PTN: variants seen among roughly 807,000 people sequenced by gnomAD.
PTN encodes pleiotrophin.
PTN carries 18 observed loss-of-function variants against 24.1 expected under a neutral mutation model. That is an observed-to-expected ratio of 0.75 (90% CI 0.52 to 1.11). The LOEUF (loss-of-function observed/expected upper bound fraction) is 1.11, where lower values mean the gene tolerates loss of function less well. PTN is among the 50% of genes least tolerant of loss of function. The pLI is 0.00. For synonymous variants in PTN, 78 were observed against 68.6 expected, an observed-to-expected ratio of 1.14 and a Z score of -0.67; for missense variants, 163 against 198.8, an observed-to-expected ratio of 0.82 and a Z score of 1.08.
At chr7:137,277,581 A>T (rs28578609) in intron 1 of PTN, among the ~76,000 whole-genome samples, 1,763 of 152,104 alleles carry the variant, frequency 0.012, 31 homozygotes, top group African/African-American at 0.04. Flanking sequence ...AGAAAAAAAA[A>T]TTTTTTGAGA....
chr7:137,241,540 T>C (rs1453472668), intron 4 of PTN, among the ~76,000 whole-genome samples: 2 of 152,194 alleles, frequency 1.3e-5, no homozygotes, highest in African/African-American at 4.8e-5. Flanking sequence ...TTTAAAATAC[T>C]GCATATTTAC....
chr7:137,248,133 C>T (rs556535307), intron 4 of PTN, among the ~76,000 whole-genome samples: 1 of 152,274 alleles, frequency 6.6e-6, no homozygotes, highest in East Asian at 1.9e-4. Flanking sequence ...CCATTCATTA[C>T]TATTTGCTTT....
intron 4 of PTN, among the ~76,000 whole-genome samples, chr7:137,234,878 T>C (rs1808492906): frequency 6.6e-6 from 1 of 152,070 alleles, no homozygotes. Context: ...ACTCAGGCCC[T>C]GTTCGCTGCT....
At chr7:137,257,185 C>G (rs1306551699) in intron 1 of PTN, among the ~76,000 whole-genome samples, 1 of 152,152 alleles carries the variant, frequency 6.6e-6, no homozygotes, top group Non-Finnish European at 1.5e-5. Context: ...GAATCACAAG[C>G]CTAGATTAGC....
At chr7:137,340,991 A>G (rs758383799) in intron 1 of PTN, among the ~76,000 whole-genome samples, 3 of 152,156 alleles carry the variant, frequency 2.0e-5, no homozygotes. Context: ...CAGGCCCTCA[A>G]TCTATTGTTA....
At chr7:137,263,613 C>T (rs974311787) in intron 1 of PTN, among the ~76,000 whole-genome samples, 6 of 152,068 alleles carry the variant, frequency 3.9e-5, no homozygotes, top group African/African-American at 1.4e-4. Context: ...TGCCTAAGTA[C>T]CAGGCCTATA....
At chr7:137,257,880 C>T (rs891934617) in intron 1 of PTN, among the ~76,000 whole-genome samples, 2 of 152,228 alleles carry the variant, frequency 1.3e-5, no homozygotes, top group Non-Finnish European at 2.9e-5. Context: ...ATACCTACAG[C>T]AAGAAGAGAG....
At chr7:137,343,025 A>C (rs1394328001) in intron 1 of PTN, among the ~76,000 whole-genome samples, 1 of 152,144 alleles carries the variant, frequency 6.6e-6, no homozygotes, top group African/African-American at 2.4e-5. Flanking sequence ...AGAGGCTGGG[A>C]AAATGAGAGC....
At chr7:137,335,507 A>T (rs1810432254) in intron 1 of PTN, among the ~76,000 whole-genome samples, 1 of 152,168 alleles carries the variant, frequency 6.6e-6, no homozygotes, top group East Asian at 1.9e-4. Context: ...GATCCTCATC[A>T]TTTTTATTAA....
chr7:137,277,461 T>C (rs937544714), intron 1 of PTN, among the ~76,000 whole-genome samples: 20 of 152,248 alleles, frequency 1.3e-4, no homozygotes, highest in Non-Finnish European at 2.5e-4. Context: ...CAAATGTTTA[T>C]AGCAGCTTGC....
chr7:137,274,111 T>G (rs867068488), intron 1 of PTN, among the ~76,000 whole-genome samples: 23 of 152,166 alleles, frequency 1.5e-4, no homozygotes, highest in Admixed American at 5.9e-4. Context: ...AGAGCACTGG[T>G]GTTTCCACAA....
chr7:137,311,965 A>G (rs757358759), intron 1 of PTN, among the ~76,000 whole-genome samples: 2 of 128,342 alleles, frequency 1.6e-5, no homozygotes, highest in Non-Finnish European at 2.9e-5. Context: ...TAAAATATGC[A>G]ATCTCTGAGA....
At chr7:137,311,010 T>C (rs1281138053) in intron 1 of PTN, among the ~76,000 whole-genome samples, 1 of 152,044 alleles carries the variant, frequency 6.6e-6, no homozygotes, top group Non-Finnish European at 1.5e-5. Context: ...CGTGAGCAGA[T>C]CACTTGAGGT....
At chr7:137,286,911 C>A (rs915786198) in intron 1 of PTN, among the ~76,000 whole-genome samples, 13 of 152,180 alleles carry the variant, frequency 8.5e-5, no homozygotes, top group African/African-American at 3.1e-4. Flanking sequence ...GTGAGATAAA[C>A]ATGGCAGGCA....
Position 137,293,034 on chromosome 7 carries a change from A to G in PTN, c.-1-38060T>C, listed in dbSNP as rs150679486. The stretch of plus-strand genomic sequence containing the variant: ...TACCTTCTATCCTTTACCCACATGC[A>G]TATTCATTCATTTTTACATAGTTGC... On this transcript the variant is annotated intron_variant, in intron 1 of 4. Coordinates refer to ENST00000348225, the MANE Select transcript of PTN (RefSeq NM_002825.7). Among the ~76,000 whole-genome samples, 327 of 152,322 alleles carry G rather than the reference A, an allele frequency of 2.1e-3. 1 individual carries two copies. Among genetic ancestry groups the G allele is most frequent in the Non-Finnish European group, 3.7e-3 (254 of 68,034 alleles).
At chr7:137,315,854 G>A (rs568686326) in intron 1 of PTN, among the ~76,000 whole-genome samples, 1 of 152,244 alleles carries the variant, frequency 6.6e-6, no homozygotes, top group South Asian at 2.1e-4. Flanking sequence ...GCCTAGGTAT[G>A]CAGTTCTGTG....
intron 3 of PTN, 57 bp from the exon 4 acceptor site, chr7:137,251,448 G>A (rs1339739020): frequency 6.5e-6 from 10 of 1,548,520 alleles, no homozygotes; most frequent in African/African-American, 1.4e-5. Flanking sequence ...GTACTTCCAG[G>A]ATAATAAAGG....
chr7:137,308,200 C>T (rs115117047), intron 1 of PTN, among the ~76,000 whole-genome samples: 3,270 of 152,182 alleles, frequency 0.021, 55 homozygotes, highest in Non-Finnish European at 0.028. Context: ...AAATTTTATG[C>T]CCTGAAAAGT....
chr7:137,254,428 T>A (rs772044968), intron 2 of PTN, among the ~76,000 whole-genome samples: 6 of 152,166 alleles, frequency 3.9e-5, no homozygotes, highest in Non-Finnish European at 7.3e-5. Context: ...GACTGTCAGT[T>A]CCACAGCCTA....
Sources: allele counts gnomAD v4.1 joint callset (sites outside exome capture counted in the v4.1 genomes callset), GRCh38; gene constraint gnomAD v4.1.1; transcripts MANE v1.5; gene names NCBI Gene and HGNC (gene_info 2026-07-23, HGNC 2026-07-21).